N4BP2: variants seen among roughly 807,000 people sequenced by gnomAD.
N4BP2 encodes the protein NEDD4 binding protein 2.
In N4BP2, 91 loss-of-function variants were observed where a neutral mutation model predicts 152.8. The ratio of observed to expected loss-of-function variants is 0.60; its 90% CI spans 0.50 to 0.71. The LOEUF (loss-of-function observed/expected upper bound fraction) is 0.71. N4BP2 is among the 30% of genes least tolerant of loss of function. N4BP2 has a pLI of 0.00. For synonymous variants in N4BP2, 646 were observed against 705.3 expected (o/e 0.92, Z 1.33); for missense variants, 1,923 against 2,059.1 (o/e 0.93, Z 1.28).
At chr4:40,188,264 A>C in the N4BP2 span, among the ~76,000 whole-genome samples, 1 of 152,056 alleles carries the variant, frequency 6.6e-6, no homozygotes, top group Admixed American at 6.6e-5. Context: ...GCAAAAGTCA[A>C]CCGGCTACCA....
intron 8 of N4BP2, among the ~76,000 whole-genome samples, chr4:40,118,364 T>C (rs1420109534): frequency 1.3e-5 from 2 of 152,052 alleles, no homozygotes; most frequent in African/African-American, 2.4e-5. Flanking sequence ...TGCGGTGAGC[T>C]GAGGTTGCGG....
chr4:40,125,059 C>T (rs896396291), intron 11 of N4BP2, among the ~76,000 whole-genome samples: 4 of 152,198 alleles, frequency 2.6e-5, no homozygotes, highest in Admixed American at 6.5e-5. Context: ...GCCTGAGTTC[C>T]TCCACATGCC....
At chr4:40,137,951 G>T (rs1334713139) in intron 14 of N4BP2, among the ~76,000 whole-genome samples, 2 of 152,150 alleles carry the variant, frequency 1.3e-5, no homozygotes. Flanking sequence ...ATAGTTTCTG[G>T]ACTGGTTGGT....
chr4:40,131,961 C>A, intron 13 of N4BP2, 42 bp downstream of exon 13: 3 of 1,158,292 alleles, frequency 2.6e-6, no homozygotes, highest in South Asian at 1.3e-5. Flanking sequence ...ACTCTGATGT[C>A]ACTGAAAGCA....
intron 15 of N4BP2, among the ~76,000 whole-genome samples, chr4:40,143,171 T>C (rs1233966694): frequency 1.3e-5 from 2 of 151,618 alleles, no homozygotes; most frequent in African/African-American, 2.4e-5. Context: ...AGAGTGAGAT[T>C]AAAGGGGTTT....
chr4:40,140,948 T>G, intron 14 of N4BP2, among the ~76,000 whole-genome samples: 1 of 150,418 alleles, frequency 6.6e-6, no homozygotes, highest in Non-Finnish European at 1.5e-5. Context: ...GAAGAATTTT[T>G]CTTAGTACAG....
At chr4:40,105,548 C>G (rs1716186611) in intron 4 of N4BP2, among the ~76,000 whole-genome samples, 1 of 140,128 alleles carries the variant, frequency 7.1e-6, no homozygotes, top group Non-Finnish European at 1.6e-5. Flanking sequence ...TGGTCTCAAA[C>G]TTTTTTTTTT....
At chr4:40,176,158 G>A in the N4BP2 span, among the ~76,000 whole-genome samples, 6 of 151,524 alleles carry the variant, frequency 4.0e-5, no homozygotes, top group African/African-American at 1.5e-4. Flanking sequence ...CCTCTCTGCT[G>A]TGTATATAAA....
At chr4:40,063,626 T>C (rs1733820167) in intron 1 of N4BP2, among the ~76,000 whole-genome samples, 1 of 152,140 alleles carries the variant, frequency 6.6e-6, no homozygotes, top group Non-Finnish European at 1.5e-5. Flanking sequence ...GATTTATTTA[T>C]TTTTAATTAA....
At chr4:40,083,478 G>A (rs112288110) in intron 2 of N4BP2, among the ~76,000 whole-genome samples, 272 of 152,206 alleles carry the variant, frequency 1.8e-3, no homozygotes, top group African/African-American at 6.1e-3. Flanking sequence ...TGTTATATCC[G>A]TACCATGCAA....
the N4BP2 span, among the ~76,000 whole-genome samples, chr4:40,187,508 T>G: frequency 8.5e-4 from 130 of 152,190 alleles, 2 homozygotes; most frequent in South Asian, 0.026. Flanking sequence ...TTTGTAGAGA[T>G]GGGGTCTTGC....
intron 12 of N4BP2, among the ~76,000 whole-genome samples, chr4:40,129,937 A>C (rs1026835615): frequency 2.0e-5 from 3 of 152,246 alleles, no homozygotes; most frequent in Non-Finnish European, 1.5e-5. Context: ...ATGAAACCTC[A>C]GAATTTATAG....
At chr4:40,103,434 CAGA>C (rs1357524814) in intron 4 of N4BP2, among the ~76,000 whole-genome samples, 1 of 151,928 alleles carries the variant, frequency 6.6e-6, no homozygotes, top group Non-Finnish European at 1.5e-5. Flanking sequence ...CTTTGAAAGA[CAGA>C]AGAAAAAATT....
chr4:40,117,846 C>T (rs200882600), intron 7 of N4BP2, 23 bp from the exon 8 acceptor site: 6 of 1,576,162 alleles, frequency 3.8e-6, no homozygotes, highest in East Asian at 2.3e-5. Flanking sequence ...TCCTTCAACC[C>T]TTTTTTCCCC....
At chr4:40,118,738 T>C (rs989168673) in intron 8 of N4BP2, among the ~76,000 whole-genome samples, 3 of 152,376 alleles carry the variant, frequency 2.0e-5, no homozygotes, top group African/African-American at 4.8e-5. Flanking sequence ...TCTTTCAAGC[T>C]AGTGTTATAA....
chr4:40,135,292 G>A (rs1719284959), intron 13 of N4BP2, among the ~76,000 whole-genome samples: 2 of 151,432 alleles, frequency 1.3e-5, no homozygotes, highest in Non-Finnish European at 2.9e-5. Flanking sequence ...CATTTTTGAT[G>A]GCTGCATAGT....
At chr4:40,095,125 C>T (rs1210308095) in intron 2 of N4BP2, among the ~76,000 whole-genome samples, 1 of 151,756 alleles carries the variant, frequency 6.6e-6, no homozygotes, top group Non-Finnish European at 1.5e-5. Flanking sequence ...CTCTTGTTGC[C>T]CAGGCTGGAG....
rs1348109627 is a variant in N4BP2 at position 40,138,156 on chromosome 4, TG to T, written c.4785+1075del. ...GGTTAATACAGAAATGGTGTCTTAT[TG>T]TGGTTTTGATTTGCATTTCCTTGAT... On this transcript the variant is annotated intron_variant, in intron 14 of 17. Coordinates refer to ENST00000261435, the MANE Select transcript of N4BP2 (RefSeq NM_018177.6). 8.5e-5 allele frequency among the ~76,000 whole-genome samples: 13 copies of T among 152,364 alleles called. No homozygotes were observed. The East Asian group carries it at 2.3e-3, about 27-fold the overall frequency.
At chr4:40,096,688 AGG>A (rs1715135410) in intron 2 of N4BP2, among the ~76,000 whole-genome samples, 1 of 152,206 alleles carries the variant, frequency 6.6e-6, no homozygotes, top group East Asian at 1.9e-4. Context: ...AGCTAAGTCT[AGG>A]GTGGTGGCAG....
Sources: gnomAD v4.1 joint callset for allele counts (sites outside exome capture counted in the v4.1 genomes callset) on GRCh38, gnomAD v4.1.1 for gene constraint, MANE v1.5 for transcripts, NCBI Gene and HGNC (gene_info 2026-07-23, HGNC 2026-07-21) for gene names.